Variants in PCBP3 observed in about 807,000 individuals in gnomAD.
PCBP3 encodes poly(rC)-binding protein 3.
PCBP3 carries 25 observed loss-of-function variants against 52.7 expected under a neutral mutation model. The observed-to-expected ratio is 0.47, with a 90% CI of 0.35 to 0.66. The LOEUF is 0.66. Ranked by LOEUF, PCBP3 falls within the 30% of genes least tolerant of loss-of-function variation. PCBP3 has a pLI of 0.01. For synonymous variants in PCBP3, 162 were observed against 183.0 expected (o/e 0.89, Z 0.93); for missense variants, 391 against 490.3 (o/e 0.80, Z 1.91).
chr21:45,778,180 T>C (rs528927520), intron 4 of PCBP3, among the ~76,000 whole-genome samples: 1 of 152,338 alleles, frequency 6.6e-6, no homozygotes, highest in South Asian at 2.1e-4. Context: ...TATCTTTGTC[T>C]GTAAACAGCA....
At chr21:45,872,351 A>G (rs1194731854) in intron 5 of PCBP3, 2 of 152,070 alleles carry the variant, frequency 1.3e-5, no homozygotes, top group African/African-American at 4.8e-5. Flanking sequence ...CATTTTTCCT[A>G]GTTTCCTCAG....
chr21:45,850,432 C>G (rs555440106), intron 5 of PCBP3, among the ~76,000 whole-genome samples: 1 of 152,136 alleles, frequency 6.6e-6, no homozygotes, highest in African/African-American at 2.4e-5. Flanking sequence ...GAAGGCTGTG[C>G]TGGGGGCTGA....
At chr21:45,869,020 G>A (rs2094885466) in intron 5 of PCBP3, among the ~76,000 whole-genome samples, 1 of 152,240 alleles carries the variant, frequency 6.6e-6, no homozygotes, top group Non-Finnish European at 1.5e-5. Flanking sequence ...GATTTTACCT[G>A]TGCGGTATTT....
intron 3 of PCBP3, among the ~76,000 whole-genome samples, chr21:45,738,659 C>A (rs1368123822): frequency 6.6e-6 from 1 of 152,208 alleles, no homozygotes; most frequent in African/African-American, 2.4e-5. Flanking sequence ...CAGAGAGCAG[C>A]TGAAGGGTAT....
In PCBP3 at chr21:45,817,539, G is replaced by T. The variant is rs1229113379; in HGVS notation, c.-125-32422G>T. On this transcript the variant is annotated intron_variant, in intron 4 of 17. Transcript: ENST00000681687. This position sits in a 1 kb window ranked among gnomAD's most constrained non-coding sequence, Gnocchi z 4.3. ...AGCTGCTGCCGCAGCCCCCATGCTT[G>T]CCTTTTGTCCTCAGCCCCCCAGCGA... Among the ~76,000 whole-genome samples, 1 of 152,190 alleles carries T rather than the reference G, an allele frequency of 6.6e-6. No individual in the cohort carries two copies. The highest frequency in any genetic ancestry group is 2.4e-5 in the African/African-American group (1 of 41,444).
chr21:45,926,285 C>T (rs1315073244), intron 13 of PCBP3, among the ~76,000 whole-genome samples: 2 of 152,178 alleles, frequency 1.3e-5, no homozygotes, highest in Non-Finnish European at 1.5e-5. Context: ...CACTGCCAGC[C>T]GTCTAGCCAT....
chr21:45,855,573 G>T (rs1035410085), intron 5 of PCBP3, among the ~76,000 whole-genome samples: 1 of 152,198 alleles, frequency 6.6e-6, no homozygotes, highest in South Asian at 2.1e-4. Flanking sequence ...CAACCAGGCC[G>T]GTTGCCTCCT....
At chr21:45,882,403 A>G (rs887005723) in intron 5 of PCBP3, among the ~76,000 whole-genome samples, 1 of 151,796 alleles carries the variant, frequency 6.6e-6, no homozygotes, top group African/African-American at 2.4e-5. Flanking sequence ...GAGTTGTTTG[A>G]GTTCCTTACA....
At chr21:45,744,777 T>C (rs1041130546) in intron 3 of PCBP3, among the ~76,000 whole-genome samples, 3 of 152,240 alleles carry the variant, frequency 2.0e-5, no homozygotes, top group African/African-American at 7.2e-5. Context: ...CTAAGACACT[T>C]TTAACTCTGT....
At chr21:45,808,802 A>G (rs2092592319) in intron 4 of PCBP3, among the ~76,000 whole-genome samples, 1 of 152,254 alleles carries the variant, frequency 6.6e-6, no homozygotes, top group Admixed American at 6.5e-5. Context: ...ATTTCCACCA[A>G]TGATAGGCTG....
In PCBP3 at chr21:45,801,053, C is replaced by G. The variant is rs77561543; in HGVS notation, c.-126+45601C>G. 4.9e-3 allele frequency among the ~76,000 whole-genome samples: 751 copies of G among 152,362 alleles called. 6 individuals carry two copies. Among genetic ancestry groups the G allele is most frequent in the East Asian group, 0.039 (200 of 5,182 alleles). On this transcript the variant is annotated intron_variant, in intron 4 of 17. Transcript: ENST00000681687. ...GTGCTCTGCTATGGCCACTCTCCAA[C>G]TCTGGCAATGGCACCAGCCATCATT... is the stretch of plus-strand genomic sequence containing the variant.
At chr21:45,681,675 A>G (rs1418270704) in intron 2 of PCBP3, among the ~76,000 whole-genome samples, 2 of 152,206 alleles carry the variant, frequency 1.3e-5, no homozygotes, top group African/African-American at 2.4e-5. Context: ...GATATTTTGC[A>G]TCTATATTCA....
intron 4 of PCBP3, among the ~76,000 whole-genome samples, chr21:45,840,196 T>C (rs2093670029): frequency 6.6e-6 from 1 of 151,212 alleles, no homozygotes. Context: ...CTCACTCCTG[T>C]AATCCCAGCA....
At chr21:45,795,459 G>T (rs2091877480) in intron 4 of PCBP3, among the ~76,000 whole-genome samples, 1 of 151,510 alleles carries the variant, frequency 6.6e-6, no homozygotes, top group Admixed American at 6.6e-5. Context: ...AGTAAAAGTG[G>T]AAAAAAACAC....
At chr21:45,673,033 C>T (rs182588572) in intron 2 of PCBP3, among the ~76,000 whole-genome samples, 30 of 152,292 alleles carry the variant, frequency 2.0e-4, no homozygotes, top group Non-Finnish European at 2.9e-4. Context: ...CAAGGGTAAA[C>T]GGTTTCACCA....
intron 4 of PCBP3, among the ~76,000 whole-genome samples, chr21:45,789,861 C>T (rs1249671792): frequency 4.6e-5 from 7 of 152,100 alleles, no homozygotes; most frequent in African/African-American, 1.2e-4. Context: ...GTCTCTCGGC[C>T]GGGCGCAGTG....
rs1037623779 is a variant in PCBP3 at position 45,718,207 on chromosome 21, C to CT, written c.-199-17173dup. Among the ~76,000 whole-genome samples, 320 of 135,096 alleles carry CT rather than the reference C, an allele frequency of 2.4e-3. 3 individuals are homozygous for CT. The highest frequency in any genetic ancestry group is 3.9e-3 in the Middle Eastern group (1 of 258). 88.6% of individuals were successfully genotyped at this position (135,096 alleles called of 152,430 possible). ...ATTTTAATAATTTGAGTCTTCTCTC[C>CT]TTTTTTTTTTTTGCTAGTCTAGGTG... On this transcript the variant is annotated intron_variant, in intron 2 of 17. Coordinates refer to ENST00000681687, the MANE Select transcript of PCBP3 (RefSeq NM_001384156.1).
intron 5 of PCBP3, among the ~76,000 whole-genome samples, chr21:45,868,805 G>C (rs1214257371): frequency 1.3e-5 from 2 of 152,260 alleles, no homozygotes; most frequent in African/African-American, 2.4e-5. Context: ...AGCCATGGCG[G>C]ACGTCCTCAC....
chr21:45,770,312 C>T (rs778714628), intron 4 of PCBP3, among the ~76,000 whole-genome samples: 2 of 152,142 alleles, frequency 1.3e-5, no homozygotes, highest in Non-Finnish European at 2.9e-5. Flanking sequence ...ATTTTTTATT[C>T]ATATTTCCTT....
Sources: gnomAD v4.1 joint callset for allele counts (sites outside exome capture counted in the v4.1 genomes callset) on GRCh38, gnomAD v4.1.1 for gene constraint, Gnocchi (gnomAD v3.1) non-coding constraint, MANE v1.5 for transcripts, NCBI Gene and HGNC (gene_info 2026-07-23, HGNC 2026-07-21) for gene names.